PHF19: variants seen among roughly 807,000 people sequenced by gnomAD.
PHF19 encodes the protein PHD finger protein 19.
Under a neutral mutation model 79.8 loss-of-function variants are expected in PHF19, and 21 were observed. The observed-to-expected ratio is 0.26, with a 90% CI of 0.19 to 0.38. The LOEUF is 0.38. Among genes scored for constraint, PHF19 ranks in the 10% least tolerant of loss-of-function variants. PHF19 has a pLI of 1.00. For synonymous variants in PHF19, 273 were observed against 296.3 expected (o/e 0.92, Z 0.81); for missense variants, 445 against 744.2 (o/e 0.60, Z 4.68).
At position 120,865,754 on chromosome 9, in the gene PHF19, G is replaced by A. The variant is rs765474068; in HGVS notation, c.856C>T (p.Leu286=). The A allele has an allele frequency of 2.5e-6, 4 of 1,614,196 alleles. No individual in the cohort carries two copies. In the South Asian group the frequency reaches 4.4e-5, roughly 18 times the overall value. The change falls in exon 9 of 15, where the codon CTG becomes TTG. Residue 286 remains leucine (L), a synonymous_variant. Coordinates refer to ENST00000373896, the MANE Select transcript of PHF19 (RefSeq NM_015651.3). The part of the protein sequence containing the change: ...KKKYFDFEEI[L]AFVNHHWELL... ...TCCCAGTGGTGGTTGACAAAGGCCA[G>A]AATCTCCTCAAAGTCAAAGTACTTC...
upstream of PHF19, chr9:120,877,454 C>T (rs1056817819): frequency 8.6e-6 from 6 of 695,924 alleles, no homozygotes; most frequent in Non-Finnish European, 1.1e-5. Context: ...CCCGCCCGCC[C>T]CGCGGGCGCG....
At chr9:120,896,612 C>T (rs572902795), upstream of PHF19, among the ~76,000 whole-genome samples, 20 of 151,682 alleles carry the variant, frequency 1.3e-4, no homozygotes, top group East Asian at 1.4e-3. Flanking sequence ...CCACCACGCC[C>T]GGCTAATTTT....
chr9:120,897,686 A>G (rs535338179), upstream of PHF19, among the ~76,000 whole-genome samples: 9 of 152,290 alleles, frequency 5.9e-5, no homozygotes, highest in South Asian at 1.9e-3. Context: ...CGAATGAAAT[A>G]TTAAATTCTC....
At chr9:120,858,432 C>T (rs1316522332) in intron 14 of PHF19, 146 bp from the exon 15 acceptor site, 4 of 571,846 alleles carry the variant, frequency 7.0e-6, no homozygotes. Flanking sequence ...CTCCCATGCT[C>T]TCTCAAAGGT....
In PHF19 at chr9:120,862,182, G is replaced by A. The variant is rs780780959; in HGVS notation, c.1131-177C>T. On this transcript the variant is annotated intron_variant, in intron 11 of 14. Coordinates refer to ENST00000373896, the MANE Select transcript of PHF19 (RefSeq NM_015651.3). The surrounding 1 kb of genome is among the most constrained non-coding windows in gnomAD (Gnocchi z 4.6). ...GGGAGAGTCCTCAGGAGCAGTAGGGGTGGGAAGGTGTGGAGAAGGTATAGT... is the reference window on the plus strand; with the variant it reads ...GGGAGAGTCCTCAGGAGCAGTAGGGATGGGAAGGTGTGGAGAAGGTATAGT... 4.6e-5 allele frequency among the ~76,000 whole-genome samples: 7 copies of A among 152,188 alleles called. No individual in the cohort carries two copies. In the East Asian group the frequency reaches 7.7e-4, roughly 17 times the overall value.
chr9:120,877,800 G>C (rs1239251842), upstream of PHF19, among the ~76,000 whole-genome samples: 1 of 152,188 alleles, frequency 6.6e-6, no homozygotes, highest in Admixed American at 6.5e-5. Context: ...ACACAGGTCA[G>C]AACACACCAC....
In PHF19 at chr9:120,856,810, C is replaced by G. The variant is rs1488234440; in HGVS notation, c.*1134G>C. 1.3e-5 allele frequency: 2 copies of G among 152,698 alleles called. No individual in the cohort carries two copies. Among genetic ancestry groups the G allele is most frequent in the Non-Finnish European group, 2.9e-5 (2 of 68,110 alleles). 9.5% of individuals were successfully genotyped at this position (152,698 alleles called of 1,614,324 possible). On this transcript the variant is annotated 3_prime_UTR_variant, in exon 15 of 15. Coordinates refer to ENST00000373896, the MANE Select transcript of PHF19 (RefSeq NM_015651.3). ...CCTGTGCTTCCCTATGGGACCAATG[C>G]TGGTTGATGGGCTGAAAGAAGGAGC... is the stretch of plus-strand genomic sequence containing the variant.
At chr9:120,867,719 G>A (rs933098814) in intron 6 of PHF19, among the ~76,000 whole-genome samples, 4 of 152,226 alleles carry the variant, frequency 2.6e-5, no homozygotes, top group Non-Finnish European at 5.9e-5. Context: ...TCATGGGCCT[G>A]AAGTTAAGGT....
At chr9:120,876,245 G>C (rs2046046125) in intron 1 of PHF19, 1 of 152,302 alleles carries the variant, frequency 6.6e-6, no homozygotes, top group Non-Finnish European at 1.5e-5. Context: ...ACAGGCTCCC[G>C]GGCAGGGGAT....
chr9:120,885,526 C>T (rs10985077), intron 1 of PHF19, among the ~76,000 whole-genome samples: 24,938 of 149,470 alleles, frequency 0.17, 3,390 homozygotes, highest in African/African-American at 0.38. Context: ...TGCAGTGAGC[C>T]GATATCATGC....
Position 120,860,047 on chromosome 9 carries a change from T to C in PHF19, c.1400+43A>G, listed in dbSNP as rs746579148. The C allele has an allele frequency of 1.7e-5, 17 of 978,772 alleles. No individual in the cohort carries two copies. Among genetic ancestry groups the C allele is most frequent in the Non-Finnish European group, 2.6e-5 (16 of 622,188 alleles). The allele number at this position is 978,772 out of a possible 1,614,324, so 60.6% of individuals were successfully genotyped here. On this transcript the variant is annotated intron_variant, in intron 14 of 14. Coordinates refer to ENST00000373896, the MANE Select transcript of PHF19 (RefSeq NM_015651.3). This position sits in a 1 kb window ranked among gnomAD's most constrained non-coding sequence, Gnocchi z 4.1. ...GAGGTGGAGGGGCTGAGAGGAATGA[T>C]GGTCCTTGCAAAATGTGAAGGCCAG...
At chr9:120,875,539 G>A (rs140265207) in intron 1 of PHF19, among the ~76,000 whole-genome samples, 10 of 152,186 alleles carry the variant, frequency 6.6e-5, no homozygotes, top group African/African-American at 2.2e-4. Context: ...TGCCACAGCC[G>A]GCCCATTTTA....
In PHF19 at chr9:120,869,093, A is replaced by G; in HGVS notation, c.614+89T>C. On this transcript the variant is annotated intron_variant, in intron 6 of 14. Transcript: ENST00000373896. The surrounding 1 kb of genome is among the most constrained non-coding windows in gnomAD (Gnocchi z 5.8). ...CCTCAAGGTCCCCGCCTTGGCTGAC[A>G]CGCCAGGCTCGCTCCCTATGGGCGG... 1 of 1,369,064 alleles carries G rather than the reference A, an allele frequency of 7.3e-7. No homozygotes were observed. The highest frequency in any genetic ancestry group is 9.7e-7 in the Non-Finnish European group (1 of 1,032,268). The allele number at this position is 1,369,064 out of a possible 1,614,324, so 84.8% of individuals were successfully genotyped here. A position where few individuals can be genotyped will look rare whatever the true frequency, so the allele number is the denominator to read the frequency against.
Position 120,869,798 on chromosome 9 carries a change from CT to C in PHF19, c.465+46del, listed in dbSNP as rs2045836944. The C allele has an allele frequency of 6.2e-7, 1 of 1,611,644 alleles. No homozygotes were observed. On this transcript the variant is annotated intron_variant, in intron 5 of 14. Transcript: ENST00000373896. The surrounding 1 kb of genome is among the most constrained non-coding windows in gnomAD (Gnocchi z 5.8). The stretch of plus-strand genomic sequence containing the variant: ...TGATGGGAGTCTCTGGTCTGCCCCA[CT>C]GGAGGAGGCAGGAGAGGCAGGGACT...
Position 120,857,902 on chromosome 9 carries a change from C to G in PHF19, c.*42G>C. On this transcript the variant is annotated 3_prime_UTR_variant, in exon 15 of 15. Coordinates refer to ENST00000373896, the MANE Select transcript of PHF19 (RefSeq NM_015651.3). ...TGGGGAGCCTATGGCTTCTGCTGCT[C>G]CTCCTTTGGTTTTCAGGACCCCTGG... is the stretch of plus-strand genomic sequence containing the variant. 8.1e-7 allele frequency: 1 copy of G among 1,231,572 alleles called. No homozygotes were observed. Among genetic ancestry groups the G allele is most frequent in the Non-Finnish European group, 1.1e-6 (1 of 872,134 alleles). The allele number at this position is 1,231,572 out of a possible 1,614,324, so 76.3% of individuals were successfully genotyped here.
At chr9:120,875,930 C>T (rs1183048914) in intron 1 of PHF19, 1 of 152,230 alleles carries the variant, frequency 6.6e-6, no homozygotes, top group Non-Finnish European at 1.5e-5. Flanking sequence ...CACACAGCCT[C>T]TCTCTTTCCC....
At chr9:120,868,848 C>CCGCCTCCCGAGGCCT in intron 6 of PHF19, 1 of 1,078,956 alleles carries the variant, frequency 9.3e-7, no homozygotes, top group Non-Finnish European at 1.1e-6. Context: ...CCCGCCAGGC[C>CCGCCTCCCGAGGCCT]CGCCTCCCGA....
chr9:120,902,560 A>C, the PHF19 span: 1 of 151,350 alleles, frequency 6.6e-6, no homozygotes. Flanking sequence ...TCTACACTCC[A>C]GTTCATCTGA....
chr9:120,878,113 C>T (rs1372747668), upstream of PHF19, among the ~76,000 whole-genome samples: 1 of 152,176 alleles, frequency 6.6e-6, no homozygotes, highest in Non-Finnish European at 1.5e-5. Flanking sequence ...AGGCAATTCA[C>T]AAAAGAGGAA....
Sources: gnomAD v4.1 joint callset for allele counts (sites outside exome capture counted in the v4.1 genomes callset) on GRCh38, gnomAD v4.1.1 for gene constraint, Gnocchi (gnomAD v3.1) non-coding constraint, MANE v1.5 for transcripts, NCBI Gene and HGNC (gene_info 2026-07-23, HGNC 2026-07-21) for gene names.